Variants in RICTOR observed in about 807,000 individuals in gnomAD.
RICTOR encodes rapamycin-insensitive companion of mTOR.
In RICTOR, 49 loss-of-function variants were observed where a neutral mutation model predicts 214.9. That is an observed-to-expected ratio of 0.23 (90% CI 0.18 to 0.29). The LOEUF (loss-of-function observed/expected upper bound fraction) is 0.29, where lower values mean the gene tolerates loss of function less well. Ranked by LOEUF, RICTOR falls within the 10% of genes least tolerant of loss-of-function variation. RICTOR has a pLI of 1.00. For missense variants in RICTOR, 1,625 were observed against 2,047.0 expected, an observed-to-expected ratio of 0.79 and a Z score of 3.98; for synonymous variants, 717 against 711.3, an observed-to-expected ratio of 1.01 and a Z score of -0.13.
rs1424044908 is a variant in RICTOR, at chr5:38,941,881, C to G, written c.*423G>C. The stretch of plus-strand genomic sequence containing the variant: ...TAGAGACACTGATTCCTGCTTTCCA[C>G]AAGTTAGTTAACAAACAAGGCATCT... On this transcript the variant is annotated 3_prime_UTR_variant, in exon 38 of 38. Coordinates refer to ENST00000357387, the MANE Select transcript of RICTOR (RefSeq NM_152756.5). 2 of 233,706 alleles carry G rather than the reference C, an allele frequency of 8.6e-6. No individual in the cohort carries two copies. Among genetic ancestry groups the G allele is most frequent in the African/African-American group, 4.4e-5 (2 of 45,292 alleles). 14.5% of individuals were successfully genotyped at this position (233,706 alleles called of 1,614,324 possible).
chr5:39,008,611 A>T (rs1238987061), intron 3 of RICTOR, among the ~76,000 whole-genome samples: 1 of 152,090 alleles, frequency 6.6e-6, no homozygotes, highest in Non-Finnish European at 1.5e-5. Flanking sequence ...TCCAGCCTCA[A>T]ATGTGGCATC....
intron 2 of RICTOR, among the ~76,000 whole-genome samples, chr5:39,054,157 A>C (rs918621837): frequency 6.6e-6 from 1 of 152,194 alleles, no homozygotes; most frequent in African/African-American, 2.4e-5. Context: ...GCTAAAGAAC[A>C]GATTGCCGGG....
intron 2 of RICTOR, among the ~76,000 whole-genome samples, chr5:39,025,959 T>C (rs1235656107): frequency 6.6e-6 from 1 of 152,166 alleles, no homozygotes; most frequent in Non-Finnish European, 1.5e-5. Flanking sequence ...AAGCTGAGAT[T>C]GACATGATTT....
intron 2 of RICTOR, among the ~76,000 whole-genome samples, chr5:39,062,799 T>C (rs1184978076): frequency 6.6e-6 from 1 of 152,086 alleles, no homozygotes; most frequent in Non-Finnish European, 1.5e-5. Context: ...ATCCCTGAAG[T>C]CTTGTTTTGC....
rs902413356 is a variant in RICTOR at position 38,963,145 on chromosome 5, T to C, written c.1401-104A>G. 3.0e-5 allele frequency: 21 copies of C among 709,160 alleles called. No homozygotes were observed. The South Asian group carries it at 6.0e-4, about 20-fold the overall frequency. 43.9% of individuals were successfully genotyped at this position (709,160 alleles called of 1,614,324 possible). ...CTTACGTAAGATCAAGGCTAGAAAT[T>C]ATTATTGATAAAGTAAATTATTTCA... is the stretch of plus-strand genomic sequence containing the variant. On this transcript the variant is annotated intron_variant, in intron 16 of 37. Transcript: ENST00000357387.
Position 39,070,498 on chromosome 5 carries a change from A to AG in RICTOR, c.97+3612dup, listed in dbSNP as rs547461116. The stretch of plus-strand genomic sequence containing the variant: ...CTCAAATAAAAAAAAAAAAAGTTAG[A>AG]GTTCAAATCTACATCATTTTGGAAC... On this transcript the variant is annotated intron_variant, in intron 2 of 37. Coordinates refer to ENST00000357387, the MANE Select transcript of RICTOR (RefSeq NM_152756.5). 7.2e-4 allele frequency among the ~76,000 whole-genome samples: 109 copies of AG among 152,272 alleles called. 1 individual carries two copies. In the South Asian group the frequency reaches 0.01, roughly 14 times the overall value.
chr5:38,947,185 T>C, intron 32 of RICTOR, 79 bp downstream of exon 32: 6 of 1,023,472 alleles, frequency 5.9e-6, no homozygotes, highest in Non-Finnish European at 7.3e-6. Flanking sequence ...CCCTAAATTA[T>C]GATTTCTAGT....
intron 2 of RICTOR, among the ~76,000 whole-genome samples, chr5:39,034,091 A>C (rs1197096543): frequency 2.0e-5 from 3 of 152,266 alleles, no homozygotes; most frequent in Non-Finnish European, 4.4e-5. Flanking sequence ...CTGACAGTTT[A>C]TCATTCTGTA....
intron 2 of RICTOR, among the ~76,000 whole-genome samples, chr5:39,027,354 TA>T (rs1441537045): frequency 1.3e-5 from 2 of 152,064 alleles, no homozygotes; most frequent in Non-Finnish European, 2.9e-5. Context: ...TTTACTTCTC[TA>T]AATGAGTATA....
chr5:38,952,268 G>A lies in RICTOR; in HGVS notation c.3055C>T (p.Pro1019Ser). 6.2e-7 allele frequency: 1 copy of A among 1,612,944 alleles called. No individual in the cohort carries two copies. The highest frequency in any genetic ancestry group is 8.5e-7 in the Non-Finnish European group (1 of 1,179,230). The change falls in exon 30 of 38, where the codon CCA becomes TCA. Residue 1019 changes from proline (P) to serine (S), a missense_variant. Transcript: ENST00000357387. ...EQLCNELSSIPSTLSLNSEST... is the reference protein window; with the variant it reads ...EQLCNELSSISSTLSLNSEST... ...TCCGAGTTCAAACTTAGAGTGCTTG[G>A]GATAGATGAAAGTTCATTACAGAGT...
At position 39,035,098 on chromosome 5, in the gene RICTOR, C is replaced by T. The variant is rs561470542; in HGVS notation, c.98-13962G>A. On this transcript the variant is annotated intron_variant, in intron 2 of 37. Coordinates refer to ENST00000357387, the MANE Select transcript of RICTOR (RefSeq NM_152756.5). Reference sequence around the variant, plus strand: ...AGCAGGGGCACACTGACACCTCACACGGCCAGGTACCCCTCTGAGACAAAA... The same window carrying T: ...AGCAGGGGCACACTGACACCTCACATGGCCAGGTACCCCTCTGAGACAAAA... Among the ~76,000 whole-genome samples the T allele has an allele frequency of 9.5e-4, 145 of 152,292 alleles. 1 individual carries two copies. Among genetic ancestry groups the T allele is most frequent in the African/African-American group, 3.3e-3 (137 of 41,578 alleles).
chr5:39,028,577 T>C (rs1452629819), intron 2 of RICTOR, among the ~76,000 whole-genome samples: 1 of 152,202 alleles, frequency 6.6e-6, no homozygotes, highest in Non-Finnish European at 1.5e-5. Context: ...GATTCTGTAA[T>C]TTCACTCTCA....
chr5:38,972,006 A>G, intron 10 of RICTOR, 47 bp from the exon 11 acceptor site: 1 of 833,346 alleles, frequency 1.2e-6, no homozygotes, highest in Non-Finnish European at 2.0e-6. Flanking sequence ...GAATTTCAAA[A>G]AAATTTCTAT....
intron 2 of RICTOR, among the ~76,000 whole-genome samples, chr5:39,037,015 T>G (rs1756762716): frequency 6.6e-6 from 1 of 152,156 alleles, no homozygotes; most frequent in African/African-American, 2.4e-5. Flanking sequence ...AGAATATACA[T>G]TCTTTTCAGC....
intron 2 of RICTOR, among the ~76,000 whole-genome samples, chr5:39,024,937 T>C (rs535455074): frequency 6.6e-6 from 1 of 152,296 alleles, no homozygotes; most frequent in Admixed American, 6.5e-5. Context: ...TTTTAAGTAC[T>C]GGAAATATAG....
Position 39,065,457 on chromosome 5 carries a change from C to T in RICTOR, c.97+8654G>A, listed in dbSNP as rs570146165. On this transcript the variant is annotated intron_variant, in intron 2 of 37. Coordinates refer to ENST00000357387, the MANE Select transcript of RICTOR (RefSeq NM_152756.5). ...TATCCAAACTGTATCATTCTGCCCA[C>T]GGCCCCTCCCAAATCTCATGTCCTT... 2.6e-5 allele frequency among the ~76,000 whole-genome samples: 4 copies of T among 152,288 alleles called. No homozygotes were observed. In the South Asian group the frequency reaches 6.2e-4, roughly 24 times the overall value.
chr5:39,057,506 T>G (rs1758280020), intron 2 of RICTOR, among the ~76,000 whole-genome samples: 1 of 152,128 alleles, frequency 6.6e-6, no homozygotes, highest in Non-Finnish European at 1.5e-5. Flanking sequence ...TTCAGCTTTA[T>G]TCTAAGGAAA....
intron 23 of RICTOR, 48 bp downstream of exon 23, chr5:38,958,615 ATGAG>A: frequency 6.6e-7 from 1 of 1,516,248 alleles, no homozygotes; most frequent in South Asian, 1.2e-5. Context: ...TAATTGTCAA[ATGAG>A]TATTTCAAAA....
chr5:39,070,964 C>T (rs79935436), intron 2 of RICTOR, among the ~76,000 whole-genome samples: 1 of 152,176 alleles, frequency 6.6e-6, no homozygotes, highest in African/African-American at 2.4e-5. Flanking sequence ...ATTACCAATA[C>T]GCTGACTGTA....
Sources: allele counts gnomAD v4.1 joint callset (sites outside exome capture counted in the v4.1 genomes callset), GRCh38; gene constraint gnomAD v4.1.1; transcripts MANE v1.5; gene names NCBI Gene and HGNC (gene_info 2026-07-23, HGNC 2026-07-21).